NOMO1: variants seen among roughly 807,000 people sequenced by gnomAD.
NOMO1 encodes the protein nodal modulator 3.
Under a neutral mutation model 133.8 loss-of-function variants are expected in NOMO1, and 40 were observed. The ratio of observed to expected loss-of-function variants is 0.30; its 90% confidence interval spans 0.23 to 0.39. NOMO1 has a LOEUF of 0.39. NOMO1 is among the 10% of genes least tolerant of loss of function. The probability of loss-of-function intolerance (pLI) is 1.00; values close to 1 mark genes in which losing one functional copy is unlikely to be tolerated. For missense variants in NOMO1, 462 were observed against 1,419.9 expected, an observed-to-expected ratio of 0.33 and a Z score of 10.84; for synonymous variants, 236 against 570.5, an observed-to-expected ratio of 0.41 and a Z score of 8.36.
intron 11 of NOMO1, among the ~76,000 whole-genome samples, chr16:14,858,714 C>T (rs1023503390): frequency 3.9e-5 from 6 of 152,082 alleles, no homozygotes; most frequent in Non-Finnish European, 8.8e-5. Context: ...CTGGGGCCAA[C>T]GGGCCATGAG....
chr16:14,876,500 A>T lies in NOMO1; in HGVS notation c.2498A>T (p.Asp833Val). The change falls in exon 21 of 31, where the codon GAT becomes GTT. Residue 833 changes from aspartate (D) to valine (V), a missense_variant. Coordinates refer to ENST00000287667, the MANE Select transcript of NOMO1 (RefSeq NM_014287.4). ...ASSPLITVFT[D>V]DKGAYSVGPL... Reference sequence around the variant, plus strand: ...TCACCGCTGATCACAGTCTTTACTGATGACAAAGGTGCCTACAGGTGAGCC... The same window carrying T: ...TCACCGCTGATCACAGTCTTTACTGTTGACAAAGGTGCCTACAGGTGAGCC... 6.2e-7 allele frequency: 1 copy of T among 1,611,524 alleles called. No homozygotes were observed. Among genetic ancestry groups the T allele is most frequent in the Non-Finnish European group, 8.5e-7 (1 of 1,179,778 alleles).
At chr16:14,882,454 G>A in intron 25 of NOMO1, 140 bp from the exon 26 acceptor site, 1 of 1,104,244 alleles carries the variant, frequency 9.1e-7, no homozygotes, top group Non-Finnish European at 1.3e-6. Context: ...GGACTCTTAA[G>A]GTTAACAGGC....
At position 14,868,542 on chromosome 16, in the gene NOMO1, C is replaced by G. The variant is rs1286137224; in HGVS notation, c.1807-6C>G. Reference sequence around the variant, plus strand: ...AGTAGTCATTGTATTGGCTTTGCTTCCTTAGGAATTTTATCAGGATGGAAA... The same window carrying G: ...AGTAGTCATTGTATTGGCTTTGCTTGCTTAGGAATTTTATCAGGATGGAAA... On this transcript the variant is annotated splice_region_variant and splice_polypyrimidine_tract_variant and intron_variant, in intron 15 of 30. Coordinates refer to ENST00000287667, the MANE Select transcript of NOMO1 (RefSeq NM_014287.4). 6.2e-7 allele frequency: 1 copy of G among 1,611,830 alleles called. No individual in the cohort carries two copies. Among genetic ancestry groups the G allele is most frequent in the South Asian group, 1.1e-5 (1 of 91,052 alleles).
rs749343776 is a variant in NOMO1 at position 14,853,895 on chromosome 16, C to T, written c.874-42C>T. Reference sequence around the variant, plus strand: ...TCGATTATTAATATTGCTGATTGATCATGTTAGTGGTTCTTAGTGATTAAC... The same window carrying T: ...TCGATTATTAATATTGCTGATTGATTATGTTAGTGGTTCTTAGTGATTAAC... On this transcript the variant is annotated intron_variant, in intron 8 of 30. Coordinates refer to ENST00000287667, the MANE Select transcript of NOMO1 (RefSeq NM_014287.4). 2.5e-6 allele frequency: 4 copies of T among 1,610,782 alleles called. No individual in the cohort carries two copies. In the South Asian group the frequency reaches 4.4e-5, roughly 18 times the overall value.
At chr16:14,866,490 G>A in intron 14 of NOMO1, 65 bp from the exon 15 acceptor site, 1 of 1,609,736 alleles carries the variant, frequency 6.2e-7, no homozygotes, top group South Asian at 1.1e-5. Context: ...CATTGTTTCT[G>A]GTGGCGTGGA....
At chr16:14,861,750 T>C (rs1963924947) in intron 11 of NOMO1, among the ~76,000 whole-genome samples, 1 of 151,476 alleles carries the variant, frequency 6.6e-6, no homozygotes, top group African/African-American at 2.4e-5. Context: ...TGTAAATGAA[T>C]GGGCAGAGCG....
Position 14,875,155 on chromosome 16 carries a change from G to A in NOMO1, c.2174G>A (p.Gly725Asp), listed in dbSNP as rs1335866217. Reference sequence around the variant, plus strand: ...CGCAGGCAGGAGAGGGAGAAAAACGGCAATGAGGAAGGCGAAGAAAGAATG... The same window carrying A: ...CGCAGGCAGGAGAGGGAGAAAAACGACAATGAGGAAGGCGAAGAAAGAATG... ...EARRQEREKN[G>D]NEEGEERMTK... Residue 725 changes from glycine to aspartate, a missense_variant, in exon 19 of 31, where the codon GGC becomes GAC. Transcript: ENST00000287667. 1.2e-6 allele frequency: 2 copies of A among 1,613,700 alleles called. No individual in the cohort carries two copies. Among genetic ancestry groups the A allele is most frequent in the Non-Finnish European group, 1.7e-6 (2 of 1,179,868 alleles).
At chr16:14,858,913 G>T (rs1051741857) in intron 11 of NOMO1, among the ~76,000 whole-genome samples, 1 of 151,952 alleles carries the variant, frequency 6.6e-6, no homozygotes, top group East Asian at 1.9e-4. Context: ...AGGGTGCCCA[G>T]CTTGAGAGGT....
At chr16:14,883,755 ATG>A (rs1964279085) in intron 26 of NOMO1, among the ~76,000 whole-genome samples, 1 of 150,710 alleles carries the variant, frequency 6.6e-6, no homozygotes, top group Admixed American at 6.6e-5. Flanking sequence ...CACTAGCATA[ATG>A]TGGACTGTGG....
chr16:14,835,399 G>C (rs534189849), intron 1 of NOMO1, among the ~76,000 whole-genome samples: 1 of 151,238 alleles, frequency 6.6e-6, no homozygotes, highest in African/African-American at 2.5e-5. Flanking sequence ...ACGCGTTCAG[G>C]GTGGTATGGC....
chr16:14,883,248 T>TA (rs1363851077), intron 26 of NOMO1, among the ~76,000 whole-genome samples: 1 of 151,936 alleles, frequency 6.6e-6, no homozygotes, highest in Admixed American at 6.5e-5. Context: ...GGCTGCCTCT[T>TA]AGTGGCTTTA....
intron 3 of NOMO1, among the ~76,000 whole-genome samples, chr16:14,841,757 G>GT (rs1362685854): frequency 6.6e-6 from 1 of 151,854 alleles, no homozygotes; most frequent in Non-Finnish European, 1.5e-5. Flanking sequence ...AGCCCCCTCA[G>GT]TTTTTTAAGT....
chr16:14,862,646 A>G (rs1963936723), intron 11 of NOMO1: 1 of 276,298 alleles, frequency 3.6e-6, no homozygotes, highest in South Asian at 4.9e-5. Context: ...CCACATTCTC[A>G]GTCCAAGGCC....
At chr16:14,895,279 T>C in intron 30 of NOMO1, among the ~76,000 whole-genome samples, 189 bp downstream of exon 30, 1 of 144,048 alleles carries the variant, frequency 6.9e-6, no homozygotes, top group Admixed American at 7.1e-5. Context: ...TAACATCTCC[T>C]AATCCTTAAA....
At chr16:14,842,974 G>C in intron 3 of NOMO1, among the ~76,000 whole-genome samples, 1 of 145,870 alleles carries the variant, frequency 6.9e-6, no homozygotes, top group Non-Finnish European at 1.5e-5. Flanking sequence ...TGTTGCCCAG[G>C]CTGGAGTGTG....
chr16:14,846,112 C>T (rs1180339410), intron 4 of NOMO1, among the ~76,000 whole-genome samples: 4 of 146,114 alleles, frequency 2.7e-5, no homozygotes, highest in African/African-American at 1.0e-4. Context: ...CTGCAACCTC[C>T]GCCTCCTGGG....
intron 1 of NOMO1, among the ~76,000 whole-genome samples, chr16:14,835,313 G>A (rs1444986822): frequency 1.3e-5 from 2 of 151,106 alleles, no homozygotes; most frequent in Non-Finnish European, 1.5e-5. Flanking sequence ...CACTGGCAGC[G>A]GCAGGGCTCC....
Position 14,833,925 on chromosome 16 carries a change from G to A in NOMO1, c.74G>A (p.Gly25Asp). The A allele has an allele frequency of 1.6e-6, 1 of 610,950 alleles. No homozygotes were observed. 37.8% of individuals were successfully genotyped at this position (610,950 alleles called of 1,614,324 possible). The change falls in exon 1 of 31, where the codon GGC (glycine) becomes GAC (aspartate). Residue 25 changes from glycine to aspartate, a missense_variant. Transcript: ENST00000287667. ...VTAAVVLLLS[G>D]VGPAHGSEDI... ...GCCGCGGTGGTGCTGCTGCTGAGCG[G>A]CGTGGGGCCGGCGCACGGCTCGGAG...
At chr16:14,881,465 T>C in intron 24 of NOMO1, 79 bp from the exon 25 acceptor site, 1 of 1,609,786 alleles carries the variant, frequency 6.2e-7, no homozygotes, top group Non-Finnish European at 8.5e-7. Context: ...TGCCCCATAA[T>C]TGTTGGTAAA....
Sources: gnomAD v4.1 joint callset for allele counts (sites outside exome capture counted in the v4.1 genomes callset) on GRCh38, gnomAD v4.1.1 for gene constraint, MANE v1.5 for transcripts, NCBI Gene and HGNC (gene_info 2026-07-23, HGNC 2026-07-21) for gene names.